Variants in AVEN observed in about 807,000 individuals in gnomAD.
The protein encoded by AVEN is apoptosis and caspase activation inhibitor, also known as cell death regulator Aven.
Under a neutral mutation model 38.1 loss-of-function variants are expected in AVEN, and 41 were observed. The observed-to-expected ratio is 1.08, with a 90% CI of 0.84 to 1.40. The LOEUF is 1.40. Ranked by LOEUF, AVEN falls within the 40% of genes most tolerant of loss-of-function variation. The pLI is 0.00. For synonymous variants in AVEN, 206 were observed against 171.8 expected, an observed-to-expected ratio of 1.20 and a Z score of -1.56; for missense variants, 605 against 438.8, an observed-to-expected ratio of 1.38 and a Z score of -3.38.
downstream of AVEN, chr15:33,858,037 C>T (rs1357646923): frequency 2.4e-6 from 3 of 1,258,130 alleles, no homozygotes; most frequent in African/African-American, 4.5e-5. Flanking sequence ...TTACAGAGCA[C>T]AGCAGAGATT....
At position 34,038,843 on chromosome 15, in the gene AVEN, T is replaced by C. The variant is rs1350759990; in HGVS notation, c.204A>G (p.Gly68=). ...GFRGARGGRG[G]GGAPRGSRRE... is the part of the protein sequence containing the mutation. ...GGCGGCTGCCTCGCGGGGCGCCTCC[T>C]CCTCCTCGGCCTCCGCGAGCGCCGC... The change falls in exon 1 of 6, where the codon GGA becomes GGG. Residue 68 remains glycine (G), a synonymous_variant. Coordinates refer to ENST00000306730, the MANE Select transcript of AVEN (RefSeq NM_020371.3). The C allele has an allele frequency of 2.5e-6, 3 of 1,184,118 alleles. No individual in the cohort carries two copies. Among genetic ancestry groups the C allele is most frequent in the Middle Eastern group, 3.5e-4 (1 of 2,866 alleles). The allele number at this position is 1,184,118 out of a possible 1,614,324, so 73.4% of individuals were successfully genotyped here.
downstream of AVEN, among the ~76,000 whole-genome samples, chr15:33,862,705 G>T (rs998785088): frequency 6.6e-6 from 1 of 150,604 alleles, no homozygotes; most frequent in Non-Finnish European, 1.5e-5. Context: ...CCACCTCCTG[G>T]ATTCAAGTGA....
At chr15:33,940,656 C>T (rs143586528) in intron 2 of AVEN, among the ~76,000 whole-genome samples, 297 of 152,260 alleles carry the variant, frequency 2.0e-3, no homozygotes, top group Non-Finnish European at 3.5e-3. Context: ...ATTCTCCTGC[C>T]TCAGCCTCCC....
At chr15:33,978,048 C>A (rs549921912) in intron 2 of AVEN, among the ~76,000 whole-genome samples, 2 of 149,352 alleles carry the variant, frequency 1.3e-5, no homozygotes, top group African/African-American at 4.9e-5. Flanking sequence ...GAGGAGGAAG[C>A]GAGAGAGGTA....
In AVEN at chr15:34,062,214, AT is replaced by A. The variant is rs563798307; in HGVS notation, n.1637+707del. 3.9e-5 allele frequency among the ~76,000 whole-genome samples: 6 copies of A among 152,374 alleles called. No homozygotes were observed. In the South Asian group the frequency reaches 1.2e-3, roughly 32 times the overall value. On this transcript the variant is annotated intron_variant and non_coding_transcript_variant, in intron 5 of 11. Transcript: ENST00000675287. ...GTGATCAAACTTTAGAGATTTCAGC[AT>A]CTTGCTCTGAATATGTGTGCAGCCA...
At chr15:34,022,962 C>T (rs1281221898) in intron 1 of AVEN, among the ~76,000 whole-genome samples, 1 of 152,122 alleles carries the variant, frequency 6.6e-6, no homozygotes, top group Non-Finnish European at 1.5e-5. Context: ...CCGAGGCGGG[C>T]GGATCACAAG....
chr15:33,869,750 C>CT (rs1306745509), intron 4 of AVEN, among the ~76,000 whole-genome samples: 1 of 152,056 alleles, frequency 6.6e-6, no homozygotes, highest in African/African-American at 2.4e-5. Context: ...CTTAGCATCA[C>CT]ATTCACCCAC....
intron 5 of AVEN, among the ~76,000 whole-genome samples, chr15:34,059,802 C>T (rs945508512): frequency 2.0e-5 from 3 of 152,218 alleles, no homozygotes; most frequent in South Asian, 4.1e-4. Flanking sequence ...GTCCACTCAA[C>T]GAGGCTGGAG....
chr15:33,878,753 C>G (rs7168128), intron 2 of AVEN, among the ~76,000 whole-genome samples: 2,401 of 151,956 alleles, frequency 0.016, 69 homozygotes, highest in African/African-American at 0.054. Context: ...CAAAGAACAT[C>G]CACAAATCCA....
intron 2 of AVEN, among the ~76,000 whole-genome samples, chr15:33,896,655 A>G (rs529146724): frequency 6.6e-6 from 1 of 152,190 alleles, no homozygotes; most frequent in Admixed American, 6.5e-5. Context: ...ATTTTTAACA[A>G]TCAACTCTGA....
intron 2 of AVEN, among the ~76,000 whole-genome samples, chr15:33,974,665 TGC>T (rs1348142532): frequency 6.6e-6 from 1 of 152,194 alleles, no homozygotes; most frequent in African/African-American, 2.4e-5. Context: ...GATGTTGGCG[TGC>T]ACAACTTAAG....
At chr15:33,860,660 G>A in intron 11 of AVEN, 1 of 1,580,848 alleles carries the variant, frequency 6.3e-7, no homozygotes, top group East Asian at 2.3e-5. Flanking sequence ...AGATATGGAG[G>A]TAATGTTACT....
At chr15:33,929,488 T>G (rs1893756166) in intron 2 of AVEN, among the ~76,000 whole-genome samples, 1 of 152,230 alleles carries the variant, frequency 6.6e-6, no homozygotes, top group Non-Finnish European at 1.5e-5. Flanking sequence ...CTGATGCTGG[T>G]GCCAGCCTTG....
downstream of AVEN, chr15:33,856,893 G>A (rs551793079): frequency 3.3e-5 from 5 of 152,168 alleles, no homozygotes; most frequent in Admixed American, 1.3e-4. Flanking sequence ...TCCTGACCTC[G>A]TGATCCGCCC....
intron 2 of AVEN, among the ~76,000 whole-genome samples, chr15:33,934,726 G>C (rs1304379857): frequency 6.6e-6 from 1 of 152,144 alleles, no homozygotes; most frequent in Admixed American, 6.6e-5. Flanking sequence ...TTGTATCCTG[G>C]TTACGCTCTC....
chr15:33,947,895 T>G (rs1184613486), intron 2 of AVEN, among the ~76,000 whole-genome samples: 3 of 152,118 alleles, frequency 2.0e-5, no homozygotes, highest in Non-Finnish European at 4.4e-5. Context: ...TGGAAAATAT[T>G]ACAGCAATAG....
At chr15:33,908,178 A>G (rs1408998254) in intron 2 of AVEN, among the ~76,000 whole-genome samples, 1 of 152,196 alleles carries the variant, frequency 6.6e-6, no homozygotes, top group South Asian at 2.1e-4. Context: ...TTGTGTAACT[A>G]TCACCACTAT....
intron 2 of AVEN, among the ~76,000 whole-genome samples, chr15:33,970,332 T>C (rs1895581739): frequency 6.6e-6 from 1 of 151,936 alleles, no homozygotes; most frequent in Non-Finnish European, 1.5e-5. Context: ...GTCTTTTACA[T>C]CTGAAGTCAT....
chr15:34,021,290 C>CT lies in AVEN; in HGVS notation c.267+17489dup, dbSNP rs911480926. On this transcript the variant is annotated intron_variant, in intron 1 of 5. Transcript: ENST00000306730. ...CTCAGCTAAAAAATATTTTCTGTAT[C>CT]TTTTTTTTTTTTGAGACGGAGTTTC... Among the ~76,000 whole-genome samples, 1,120 of 145,620 alleles carry CT rather than the reference C, an allele frequency of 7.7e-3. 9 individuals carry two copies. The highest frequency in any genetic ancestry group is 0.021 in the African/African-American group (833 of 39,972).
Sources: gnomAD v4.1 joint callset for allele counts (sites outside exome capture counted in the v4.1 genomes callset) on GRCh38, gnomAD v4.1.1 for gene constraint, MANE v1.5 for transcripts, NCBI Gene and HGNC (gene_info 2026-07-23, HGNC 2026-07-21) for gene names.